The following CCDC138 variants were observed in gnomAD, a reference collection of about 807,000 sequenced individuals.
CCDC138 encodes the protein coiled-coil domain containing 138.
In CCDC138, 66 loss-of-function variants were observed where a neutral mutation model predicts 82.3. The observed-to-expected ratio is 0.80, with a 90% CI of 0.66 to 0.98. The LOEUF is 0.98. Among genes scored for constraint, CCDC138 ranks in the 50% least tolerant of loss-of-function variants. The probability of loss-of-function intolerance (pLI) is 0.00; values close to 1 mark genes in which losing one functional copy is unlikely to be tolerated. For missense variants in CCDC138, 816 were observed against 758.9 expected, an observed-to-expected ratio of 1.08 and a Z score of -0.88; for synonymous variants, 297 against 265.4, an observed-to-expected ratio of 1.12 and a Z score of -1.16.
At position 108,815,935 on chromosome 2, in the gene CCDC138, A is replaced by G. The variant is rs371630047; in HGVS notation, c.1042-6A>G. ...TGAAATAAATGATTTAATTTTTGAC[A>G]TATAGGTACCACTTAATGGGCAAGT... On this transcript the variant is annotated splice_polypyrimidine_tract_variant and splice_region_variant and intron_variant, in intron 9 of 14. Coordinates refer to ENST00000295124, the MANE Select transcript of CCDC138 (RefSeq NM_144978.3). 6.3e-7 allele frequency: 1 copy of G among 1,594,642 alleles called. No individual in the cohort carries two copies. The highest frequency in any genetic ancestry group is 1.4e-5 in the African/African-American group (1 of 73,704).
intron 3 of CCDC138, 87 bp downstream of exon 3, chr2:108,789,053 C>G (rs1382655755): frequency 6.3e-6 from 9 of 1,426,244 alleles, no homozygotes; most frequent in Non-Finnish European, 8.8e-6. Flanking sequence ...TATTTTTGCT[C>G]TTTCCTGAGG....
chr2:108,805,620 G>A (rs913290262), intron 7 of CCDC138, among the ~76,000 whole-genome samples: 4 of 151,950 alleles, frequency 2.6e-5, no homozygotes, highest in Non-Finnish European at 5.9e-5. Flanking sequence ...CCAGCTACTC[G>A]GGAGGCTGAG....
At chr2:108,796,510 C>T (rs552617676) in intron 5 of CCDC138, among the ~76,000 whole-genome samples, 4 of 152,256 alleles carry the variant, frequency 2.6e-5, no homozygotes, top group African/African-American at 9.6e-5. Context: ...AACGGCGTAT[C>T]GAAGAGATAC....
intron 10 of CCDC138, among the ~76,000 whole-genome samples, chr2:108,821,928 C>CAAA (rs61088256): frequency 2.0e-4 from 26 of 130,834 alleles, no homozygotes; most frequent in Admixed American, 4.6e-4. Context: ...AACTTTGTCT[C>CAAA]AAAAAAAAAA....
At chr2:108,814,741 C>T (rs1283661257) in intron 9 of CCDC138, among the ~76,000 whole-genome samples, 2 of 150,106 alleles carry the variant, frequency 1.3e-5, no homozygotes, top group Non-Finnish European at 3.0e-5. Context: ...CAACCTTTGC[C>T]TTCTGGGTTC....
At chr2:108,842,506 T>C (rs1234742133) in intron 11 of CCDC138, among the ~76,000 whole-genome samples, 2 of 152,124 alleles carry the variant, frequency 1.3e-5, no homozygotes, top group Non-Finnish European at 2.9e-5. Flanking sequence ...ATACAGGTTT[T>C]TCACAGGCTG....
chr2:108,788,092 A>G lies in CCDC138; in HGVS notation c.151+3A>G. On this transcript the variant is annotated splice_donor_region_variant and intron_variant, in intron 2 of 14. Coordinates refer to ENST00000295124, the MANE Select transcript of CCDC138 (RefSeq NM_144978.3). The stretch of plus-strand genomic sequence containing the variant: ...GAGAAGAACTCTAACCTCCCCAGGT[A>G]AGCCGGTATTTTGTATATTTGGGGG... 6.2e-7 allele frequency: 1 copy of G among 1,603,732 alleles called. No individual in the cohort carries two copies. Among genetic ancestry groups the G allele is most frequent in the Non-Finnish European group, 8.5e-7 (1 of 1,176,566 alleles).
At chr2:108,807,758 C>T (rs1055094401) in intron 7 of CCDC138, among the ~76,000 whole-genome samples, 5 of 152,146 alleles carry the variant, frequency 3.3e-5, no homozygotes, top group Admixed American at 3.3e-4. Context: ...TCTGGGATTA[C>T]AGGCGCCCAC....
intron 3 of CCDC138, among the ~76,000 whole-genome samples, chr2:108,790,300 A>G (rs920632404): frequency 1.4e-4 from 21 of 152,192 alleles, no homozygotes; most frequent in African/African-American, 4.1e-4. Context: ...TTTTCTTTTT[A>G]ACTGAGTTTT....
At chr2:108,849,475 A>G (rs1050092549) in intron 12 of CCDC138, among the ~76,000 whole-genome samples, 2 of 152,030 alleles carry the variant, frequency 1.3e-5, no homozygotes, top group Non-Finnish European at 2.9e-5. Context: ...ACTGCCTCCC[A>G]TGGTGACTCT....
intron 1 of CCDC138, 71 bp downstream of exon 1, chr2:108,786,986 A>C: frequency 1.8e-6 from 2 of 1,112,508 alleles, no homozygotes; most frequent in Non-Finnish European, 2.4e-6. Flanking sequence ...TGCCCCGCGC[A>C]GCCGGCCTGG....
chr2:108,799,635 T>C (rs1216921453), intron 6 of CCDC138, among the ~76,000 whole-genome samples: 1 of 152,250 alleles, frequency 6.6e-6, no homozygotes, highest in Admixed American at 6.5e-5. Context: ...GTTCTGTTTG[T>C]GGTTAACTGA....
chr2:108,862,154 A>G (rs1417808505), intron 13 of CCDC138, among the ~76,000 whole-genome samples: 1 of 151,342 alleles, frequency 6.6e-6, no homozygotes, highest in Non-Finnish European at 1.5e-5. Flanking sequence ...GCAGATGAGA[A>G]GAATATATAT....
At chr2:108,825,582 T>C (rs1438714372) in intron 10 of CCDC138, among the ~76,000 whole-genome samples, 3 of 152,218 alleles carry the variant, frequency 2.0e-5, no homozygotes, top group African/African-American at 4.8e-5. Context: ...GTTCCGTGGC[T>C]GACTCATTTA....
chr2:108,802,074 C>G (rs1474763511), intron 6 of CCDC138, among the ~76,000 whole-genome samples: 1 of 144,758 alleles, frequency 6.9e-6, no homozygotes, highest in Non-Finnish European at 1.5e-5. Flanking sequence ...ATGGCTCCAG[C>G]TTTGTTCTTT....
In CCDC138 at chr2:108,788,043, A is replaced by T; in HGVS notation, c.105A>T (p.Ser35=). 1 of 1,575,472 alleles carries T rather than the reference A, an allele frequency of 6.3e-7. No individual in the cohort carries two copies. The highest frequency in any genetic ancestry group is 8.6e-7 in the Non-Finnish European group (1 of 1,163,952). Residue 35 remains serine, a synonymous_variant, in exon 2 of 15, where the codon TCA becomes TCT. Transcript: ENST00000295124. ...CTTTTTTTTTTTAGTATGATTTTTC[A>T]AATTTTTATCAGTCTAAGTATAAGA... The part of the protein sequence containing the change: ...GGSCPDEYDF[S]NFYQSKYKRR...
chr2:108,880,750 T>TA (rs916368374), downstream of CCDC138, among the ~76,000 whole-genome samples: 31 of 151,926 alleles, frequency 2.0e-4, no homozygotes, highest in African/African-American at 5.5e-4. Flanking sequence ...ACTGCTCAGA[T>TA]AAAAAAAAGA....
At chr2:108,787,887 T>C (rs545375440) in intron 1 of CCDC138, 145 bp from the exon 2 acceptor site, 23 of 663,818 alleles carry the variant, frequency 3.5e-5, no homozygotes, top group Non-Finnish European at 3.9e-5. Flanking sequence ...ATTGATGATA[T>C]TAGTTTTGAT....
At chr2:108,833,159 C>T (rs953680298) in intron 10 of CCDC138, among the ~76,000 whole-genome samples, 3 of 152,186 alleles carry the variant, frequency 2.0e-5, no homozygotes, top group Non-Finnish European at 2.9e-5. Context: ...AAATTATTTC[C>T]TGTGATACAT....
Sources: allele counts gnomAD v4.1 joint callset (sites outside exome capture counted in the v4.1 genomes callset), GRCh38; gene constraint gnomAD v4.1.1; transcripts MANE v1.5; gene names NCBI Gene and HGNC (gene_info 2026-07-23, HGNC 2026-07-21).